The following USP25 variants were observed in gnomAD, a reference collection of about 807,000 sequenced individuals.
USP25 encodes ubiquitin specific peptidase 25, also known as ubiquitin carboxyl-terminal hydrolase 25.
A neutral mutation model predicts 158.5 loss-of-function variants in USP25; 85 were observed. The ratio of observed to expected loss-of-function variants is 0.54; its 90% CI spans 0.45 to 0.64. The LOEUF (loss-of-function observed/expected upper bound fraction) is 0.64. Ranked by LOEUF, USP25 falls within the 30% of genes least tolerant of loss-of-function variation. The pLI is 0.00. For missense variants in USP25, 1,242 were observed against 1,327.3 expected, an observed-to-expected ratio of 0.94 and a Z score of 1.00; for synonymous variants, 464 against 460.4, an observed-to-expected ratio of 1.01 and a Z score of -0.10.
At chr21:15,864,541 T>C (rs1601171543) in intron 21 of USP25, 95 bp downstream of exon 21, 2 of 1,105,980 alleles carry the variant, frequency 1.8e-6, no homozygotes, top group Non-Finnish European at 2.5e-6. Flanking sequence ...ATTTTATATA[T>C]GCATGGGCAC....
intron 1 of USP25, among the ~76,000 whole-genome samples, chr21:15,752,645 A>G (rs937976974): frequency 4.6e-5 from 7 of 152,156 alleles, no homozygotes; most frequent in African/African-American, 1.7e-4. Flanking sequence ...AACTATATCC[A>G]TTGTTCTTTG....
chr21:15,790,874 C>T (rs2035553792), intron 4 of USP25, among the ~76,000 whole-genome samples: 2 of 151,810 alleles, frequency 1.3e-5, no homozygotes, highest in African/African-American at 4.8e-5. Context: ...GAAAGGTTAA[C>T]TATCTTTTGT....
rs183177406 is a variant in USP25 at position 15,866,364 on chromosome 21, G to A, written c.2805+20G>A. 1,519 of 1,559,062 alleles carry A rather than the reference G, an allele frequency of 9.7e-4. 2 individuals carry two copies. The highest frequency in any genetic ancestry group is 1.2e-3 in the Non-Finnish European group (1,369 of 1,147,624). On this transcript the variant is annotated intron_variant, in intron 22 of 25. Transcript: ENST00000400183. ...TATGAGGTAATGTGCTTTCTTAGAG[G>A]TTAAACTACAGATTTAGGGATTCTG... is the stretch of plus-strand genomic sequence containing the variant.
intron 10 of USP25, among the ~76,000 whole-genome samples, chr21:15,822,795 C>G (rs1189194990): frequency 6.6e-6 from 1 of 151,904 alleles, no homozygotes; most frequent in African/African-American, 2.4e-5. Flanking sequence ...AATTTTAAAA[C>G]TTGAGATGTT....
At chr21:15,846,440 G>A (rs1346134534) in intron 18 of USP25, among the ~76,000 whole-genome samples, 2 of 151,714 alleles carry the variant, frequency 1.3e-5, no homozygotes, top group African/African-American at 2.4e-5. Flanking sequence ...GGGATTATAG[G>A]TCTAAGCTAC....
chr21:15,837,915 C>G (rs1470407117), intron 17 of USP25, among the ~76,000 whole-genome samples: 2 of 151,662 alleles, frequency 1.3e-5, no homozygotes, highest in Non-Finnish European at 1.5e-5. Flanking sequence ...TCTCAGATTC[C>G]TTGAAAGCAG....
chr21:15,760,916 C>T (rs1419775938), intron 1 of USP25, among the ~76,000 whole-genome samples: 1 of 152,170 alleles, frequency 6.6e-6, no homozygotes, highest in African/African-American at 2.4e-5. Flanking sequence ...CATTACTAAG[C>T]TGTGCATATT....
chr21:15,846,558 C>G (rs1464252504), intron 18 of USP25, among the ~76,000 whole-genome samples: 1 of 151,976 alleles, frequency 6.6e-6, no homozygotes, highest in Non-Finnish European at 1.5e-5. Flanking sequence ...ATATATGCTT[C>G]CAGGAAGCCA....
chr21:15,809,995 G>T (rs1377957527), intron 8 of USP25, among the ~76,000 whole-genome samples: 2 of 152,104 alleles, frequency 1.3e-5, no homozygotes, highest in South Asian at 2.1e-4. Flanking sequence ...AGGCTGGGGG[G>T]AGGGGGAGAT....
rs2037908162 is a variant in USP25 at position 15,833,431 on chromosome 21, A to C, written c.2077A>C (p.Asn693His). ...TTTGAGAGATTTTGTTGAGGAAGAC[A>C]ACCAACGATTTGAAAAAGAACTAGA... ...PDLRDFVEED[N>H]QRFEKELEEW... Residue 693 changes from asparagine to histidine, a missense_variant, in exon 17 of 26, where the codon AAC (asparagine) becomes CAC (histidine). Asn to His is a moderately conservative substitution (Grantham distance 68). This residue lies in a region of USP25 where 608 missense variants were observed against 605.2 expected (regional missense o/e 1.00). Transcript: ENST00000400183. The C allele has an allele frequency of 6.2e-7, 1 of 1,614,020 alleles. No homozygotes were observed. Among genetic ancestry groups the C allele is most frequent in the Non-Finnish European group, 8.5e-7 (1 of 1,180,000 alleles).
chr21:15,850,539 C>A (rs993701631), intron 20 of USP25, among the ~76,000 whole-genome samples: 2 of 151,122 alleles, frequency 1.3e-5, no homozygotes. Context: ...TTTACATTAA[C>A]TGAAAATCTT....
At chr21:15,740,487 C>A (rs1487364469) in intron 1 of USP25, among the ~76,000 whole-genome samples, 1 of 151,946 alleles carries the variant, frequency 6.6e-6, no homozygotes, top group African/African-American at 2.4e-5. Context: ...GCTTTTCTGG[C>A]CAACATCTCT....
intron 1 of USP25, among the ~76,000 whole-genome samples, chr21:15,739,524 A>G (rs917134004): frequency 8.6e-5 from 13 of 151,884 alleles, no homozygotes; most frequent in Admixed American, 7.2e-4. Flanking sequence ...CTGTGAAGTC[A>G]GGCAGGGCAC....
chr21:15,739,163 G>A (rs962318767), intron 1 of USP25, among the ~76,000 whole-genome samples: 4 of 146,918 alleles, frequency 2.7e-5, no homozygotes, highest in Non-Finnish European at 5.9e-5. Context: ...TATAATTTCA[G>A]TTTTTGTGCC....
In USP25 at chr21:15,766,270, T is replaced by TCAAC; in HGVS notation, c.268+129_268+130insCAAC. The TCAAC allele has an allele frequency of 1.4e-6, 1 of 739,836 alleles. No homozygotes were observed. Among genetic ancestry groups the TCAAC allele is most frequent in the Non-Finnish European group, 1.9e-6 (1 of 513,532 alleles). 45.8% of individuals were successfully genotyped at this position (739,836 alleles called of 1,614,324 possible). A position where few individuals can be genotyped will look rare whatever the true frequency, so the allele number is the denominator to read the frequency against. On this transcript the variant is annotated intron_variant, in intron 3 of 25. Coordinates refer to ENST00000400183, the MANE Select transcript of USP25 (RefSeq NM_001283041.3). This position sits in a 1 kb window ranked among gnomAD's most constrained non-coding sequence, Gnocchi z 4.0. ...AGAACTCTATTAACCTTGGTTCTTTTTAATGTAGTTGAAAGGAACATACAT... is the reference window on the plus strand; with the variant it reads ...AGAACTCTATTAACCTTGGTTCTTTTCAACTAATGTAGTTGAAAGGAACATACAT...
At chr21:15,739,236 A>G (rs2031812210) in intron 1 of USP25, among the ~76,000 whole-genome samples, 1 of 152,210 alleles carries the variant, frequency 6.6e-6, no homozygotes, top group Admixed American at 6.5e-5. Flanking sequence ...TAGAAGTGAT[A>G]ACAATGAGTA....
intron 23 of USP25, 39 bp from the exon 24 acceptor site, chr21:15,874,364 T>G (rs2040015517): frequency 6.5e-7 from 1 of 1,542,054 alleles, no homozygotes; most frequent in Non-Finnish European, 8.8e-7. Flanking sequence ...TCTACAAAGG[T>G]GAAATACTAA....
In USP25 at chr21:15,817,618, A is replaced by G. The variant is rs911507551; in HGVS notation, c.932-1080A>G. 6.6e-5 allele frequency among the ~76,000 whole-genome samples: 10 copies of G among 152,226 alleles called. No homozygotes were observed. The East Asian group carries it at 7.7e-4, about 12-fold the overall frequency. On this transcript the variant is annotated intron_variant, in intron 9 of 25. Coordinates refer to ENST00000400183, the MANE Select transcript of USP25 (RefSeq NM_001283041.3). ...TTTACATGGCTGGGGAGGCCTAACA[A>G]TCATGGGCTGGGGAGGCCTAACATG...
At chr21:15,753,530 G>A (rs2033173478) in intron 1 of USP25, among the ~76,000 whole-genome samples, 1 of 152,190 alleles carries the variant, frequency 6.6e-6, no homozygotes, top group East Asian at 1.9e-4. Flanking sequence ...CTTCAAGTGA[G>A]ATTGACAGGA....
Sources: allele counts gnomAD v4.1 joint callset (sites outside exome capture counted in the v4.1 genomes callset), GRCh38; gene constraint gnomAD v4.1.1; regional missense constraint gnomAD v4.1.1; non-coding constraint Gnocchi (gnomAD v3.1); transcripts MANE v1.5; gene names NCBI Gene and HGNC (gene_info 2026-07-23, HGNC 2026-07-21).